The following NAV1 variants were observed in gnomAD, a reference collection of about 807,000 sequenced individuals.
NAV1 encodes the protein pore membrane and/or filament interacting like protein 3.
In NAV1, 18 loss-of-function variants were observed where a neutral mutation model predicts 175.2. The observed-to-expected ratio is 0.10, with a 90% CI of 0.07 to 0.15. The LOEUF (loss-of-function observed/expected upper bound fraction) is 0.15, where lower values mean the gene tolerates loss of function less well. NAV1 is among the 10% of genes least tolerant of loss of function. The pLI is 1.00. For synonymous variants in NAV1, 897 were observed against 978.7 expected (o/e 0.92, Z 1.56); for missense variants, 1,731 against 2,436.6 (o/e 0.71, Z 6.10).
At chr1:201,609,849 T>G (rs1385554661) in intron 2 of NAV1, among the ~76,000 whole-genome samples, 8 of 151,970 alleles carry the variant, frequency 5.3e-5, no homozygotes, top group Non-Finnish European at 1.0e-4. Context: ...AGTGTATATA[T>G]ATAGAGAGAG....
At chr1:201,802,162 G>T (rs1231901610) in intron 15 of NAV1, among the ~76,000 whole-genome samples, 2 of 143,044 alleles carry the variant, frequency 1.4e-5, no homozygotes, top group African/African-American at 5.0e-5. Context: ...AAAATTAGCC[G>T]GGCGTGGTGG....
intron 2 of NAV1, among the ~76,000 whole-genome samples, chr1:201,615,548 C>A (rs907641787): frequency 3.3e-5 from 5 of 152,162 alleles, no homozygotes; most frequent in African/African-American, 9.7e-5. Flanking sequence ...CAGGCATGAG[C>A]CACCATTCTT....
At chr1:201,815,900 G>A (rs910385591) in intron 28 of NAV1, among the ~76,000 whole-genome samples, 10 of 151,944 alleles carry the variant, frequency 6.6e-5, no homozygotes, top group Non-Finnish European at 1.3e-4. Flanking sequence ...CACCACGCCC[G>A]GCTAATTTTG....
intron 1 of NAV1, among the ~76,000 whole-genome samples, chr1:201,671,988 C>T (rs762968395): frequency 1.3e-5 from 2 of 152,214 alleles, no homozygotes; most frequent in Admixed American, 1.3e-4. Flanking sequence ...CTCCCACTCC[C>T]ACTCTATCAG....
At chr1:201,649,030 G>C in exon 1 of NAV1, 2 of 1,613,652 alleles carry the variant, frequency 1.2e-6, no homozygotes, top group Non-Finnish European at 1.7e-6. Context: ...GCGCCCAAAG[G>C]CTTAGGCAAG....
intron 1 of NAV1, among the ~76,000 whole-genome samples, chr1:201,677,464 C>A (rs953800057): frequency 1.3e-5 from 2 of 152,048 alleles, no homozygotes; most frequent in Non-Finnish European, 2.9e-5. Context: ...AATGTCCCTT[C>A]CTCCTGTTTA....
At chr1:201,583,658 T>C (rs1162352849) in intron 1 of NAV1, among the ~76,000 whole-genome samples, 2 of 152,248 alleles carry the variant, frequency 1.3e-5, no homozygotes, top group Non-Finnish European at 2.9e-5. Flanking sequence ...TTTGAAATCC[T>C]CTTTCTCCTT....
rs189335273 is a variant in NAV1, at chr1:201,679,587, C to T, written c.757+30162C>T. On this transcript the variant is annotated intron_variant, in intron 1 of 29. Transcript: ENST00000367296. ...GCACATTGCTGTCTTCCCCCAGTCA[C>T]CAGATACTTCACGTGTCTTAAGTCC... is the stretch of plus-strand genomic sequence containing the variant. 6.0e-4 allele frequency among the ~76,000 whole-genome samples: 92 copies of T among 152,324 alleles called. 1 individual carries two copies. The highest frequency in any genetic ancestry group is 5.8e-3 in the Admixed American group (89 of 15,302).
chr1:201,631,687 T>C (rs1188371791), intron 2 of NAV1, among the ~76,000 whole-genome samples: 1 of 152,244 alleles, frequency 6.6e-6, no homozygotes, highest in Non-Finnish European at 1.5e-5. Flanking sequence ...AGGAGGGCAC[T>C]GAGCTTATTA....
intron 2 of NAV1, 88 bp downstream of exon 4, chr1:201,629,595 G>C: frequency 1.2e-6 from 1 of 819,580 alleles, no homozygotes; most frequent in Non-Finnish European, 1.7e-6. Context: ...ACCTAGGCTG[G>C]ATGGGTCCAT....
At position 201,812,603 on chromosome 1, in the gene NAV1, G is replaced by C. The variant is rs775442124; in HGVS notation, c.5163G>C (p.Lys1721Asn). The stretch of plus-strand genomic sequence containing the variant: ...TTCGGGTGCTCGACTGGGTACCCAA[G>C]CTGTGGTATCATCTCCACACCTTCC... The change falls in exon 27 of 30, where the codon AAG becomes AAC. Residue 1721 changes from lysine to asparagine, a missense_variant. This residue lies in a region of NAV1 where 115 missense variants were observed against 269.4 expected (regional missense o/e 0.43). Coordinates refer to ENST00000367296, the Ensembl canonical transcript of NAV1. This position sits in a 1 kb window ranked among gnomAD's most constrained non-coding sequence, Gnocchi z 4.6. 6.2e-7 allele frequency: 1 copy of C among 1,614,166 alleles called. No homozygotes were observed. The highest frequency in any genetic ancestry group is 1.1e-5 in the South Asian group (1 of 91,092).
intron 2 of NAV1, among the ~76,000 whole-genome samples, chr1:201,605,271 C>A (rs1469740533): frequency 6.6e-6 from 1 of 151,912 alleles, no homozygotes; most frequent in Non-Finnish European, 1.5e-5. Flanking sequence ...CAATCCTGTA[C>A]CTCCAGCATC....
intron 1 of NAV1, among the ~76,000 whole-genome samples, chr1:201,626,121 C>T (rs1668323900): frequency 6.6e-6 from 1 of 152,210 alleles, no homozygotes; most frequent in Admixed American, 6.5e-5. Flanking sequence ...TGCTGCACGC[C>T]AATGGGCAGG....
In NAV1 at chr1:201,718,015, G is replaced by T. The variant is rs1162172619; in HGVS notation, c.861-375G>T. On this transcript the variant is annotated intron_variant, in intron 2 of 29. Transcript: ENST00000367296. The surrounding 1 kb of genome is among the most constrained non-coding windows in gnomAD (Gnocchi z 4.8). Reference sequence around the variant, plus strand: ...GTGATCCTTACAACTCTATAAGGTAGATGTTATGCCATTATCCCCATTGTA... The same window carrying T: ...GTGATCCTTACAACTCTATAAGGTATATGTTATGCCATTATCCCCATTGTA... Among the ~76,000 whole-genome samples, 2 of 152,180 alleles carry T rather than the reference G, an allele frequency of 1.3e-5. No individual in the cohort carries two copies. Among genetic ancestry groups the T allele is most frequent in the African/African-American group, 4.8e-5 (2 of 41,438 alleles).
rs777094662 is a variant in NAV1 at position 201,718,485 on chromosome 1, G to A, written c.956G>A (p.Gly319Asp). 1.9e-6 allele frequency: 3 copies of A among 1,604,916 alleles called. No individual in the cohort carries two copies. In the Admixed American group the frequency reaches 5.0e-5, roughly 27 times the overall value. ...TCGTCCCCTCTGTCATGGCGCTATG[G>A]CCAGTCCAGTCCGCGGCTGCAGGCT... The change falls in exon 3 of 30, where the codon GGC (glycine) becomes GAC (aspartate). Residue 319 changes from glycine (G) to aspartate (D), a missense_variant. Gly to Asp is a moderately conservative substitution (Grantham distance 94). This residue lies in a region of NAV1 where 487 missense variants were observed against 581.3 expected (regional missense o/e 0.84). Transcript: ENST00000367296. This position sits in a 1 kb window ranked among gnomAD's most constrained non-coding sequence, Gnocchi z 4.8.
At chr1:201,645,554 TAATAAAATAA>T (rs937219843), upstream of NAV1, among the ~76,000 whole-genome samples, 1 of 151,800 alleles carries the variant, frequency 6.6e-6, no homozygotes, top group Admixed American at 6.6e-5. Flanking sequence ...ATTATAATAA[TAATAAAATAA>T]AATAAAATAA....
rs1249424000 is a variant in NAV1, at chr1:201,690,291, G to C, written c.758-22526G>C. Reference sequence around the variant, plus strand: ...TTTCCTCTCTGGCCTGTCTGTGGCAGAATGCTGGCTATTTCCTCCGTGGCC... The same window carrying C: ...TTTCCTCTCTGGCCTGTCTGTGGCACAATGCTGGCTATTTCCTCCGTGGCC... On this transcript the variant is annotated intron_variant, in intron 1 of 29. Transcript: ENST00000367296. Among the ~76,000 whole-genome samples the C allele has an allele frequency of 5.6e-5, 6 of 107,778 alleles. 3 individuals carry two copies. The highest frequency in any genetic ancestry group is 8.2e-5 in the Non-Finnish European group (4 of 48,738). The allele number at this position is 107,778 out of a possible 152,430, so 70.7% of individuals were successfully genotyped here.
rs192732953 is a variant in NAV1, at chr1:201,679,646, G to A, written c.757+30221G>A. 4.1e-4 allele frequency among the ~76,000 whole-genome samples: 63 copies of A among 152,268 alleles called. No homozygotes were observed. In the South Asian group the frequency reaches 8.1e-3, roughly 20 times the overall value. On this transcript the variant is annotated intron_variant, in intron 1 of 29. Transcript: ENST00000367296. Reference sequence around the variant, plus strand: ...GGCCGACAAAGTTGAAATTATTTTTGTCCTCCTTCTGCAAATGAGGAAACT... The same window carrying A: ...GGCCGACAAAGTTGAAATTATTTTTATCCTCCTTCTGCAAATGAGGAAACT...
chr1:201,567,708 G>A (rs1378893395), intron 1 of NAV1, among the ~76,000 whole-genome samples: 1 of 152,156 alleles, frequency 6.6e-6, no homozygotes, highest in Non-Finnish European at 1.5e-5. Context: ...GCTTTGTGGA[G>A]GAAGGTGGAG....
Sources: allele counts gnomAD v4.1 joint callset (sites outside exome capture counted in the v4.1 genomes callset), GRCh38; gene constraint gnomAD v4.1.1; regional missense constraint gnomAD v4.1.1; non-coding constraint Gnocchi (gnomAD v3.1); transcripts MANE v1.5; gene names NCBI Gene and HGNC (gene_info 2026-07-23, HGNC 2026-07-21).